The following RHOBTB3 variants were observed in gnomAD, a reference collection of about 807,000 sequenced individuals.
RHOBTB3 encodes the protein Rho related BTB domain containing 3, also known as rho-related BTB domain-containing protein 3.
Under a neutral mutation model 67.2 loss-of-function variants are expected in RHOBTB3, and 47 were observed. That is an observed-to-expected ratio of 0.70 (90% CI 0.55 to 0.89). The LOEUF is 0.89. Among genes scored for constraint, RHOBTB3 ranks in the 40% least tolerant of loss-of-function variants. RHOBTB3 has a pLI of 0.00. For synonymous variants in RHOBTB3, 273 were observed against 274.2 expected (o/e 1.00, Z 0.04); for missense variants, 631 against 750.0 (o/e 0.84, Z 1.85).
At chr5:95,741,189 G>A (rs964159341) in intron 3 of RHOBTB3, among the ~76,000 whole-genome samples, 13 of 152,038 alleles carry the variant, frequency 8.6e-5, no homozygotes, top group East Asian at 1.9e-4. Flanking sequence ...TTAGCCAGGC[G>A]TGGTGGCAGG....
At chr5:95,790,831 C>A (rs1323316781) in intron 11 of RHOBTB3, among the ~76,000 whole-genome samples, 2 of 152,186 alleles carry the variant, frequency 1.3e-5, no homozygotes, top group Non-Finnish European at 2.9e-5. Context: ...AGCCTGCCAA[C>A]GTGTTTTATT....
chr5:95,791,136 C>T, intron 11 of RHOBTB3, among the ~76,000 whole-genome samples: 1 of 152,090 alleles, frequency 6.6e-6, no homozygotes, highest in East Asian at 1.9e-4. Context: ...TTGAAAAGTT[C>T]TCAAATTATT....
intron 6 of RHOBTB3, among the ~76,000 whole-genome samples, chr5:95,760,561 C>T (rs1022370540): frequency 1.3e-5 from 2 of 152,172 alleles, no homozygotes; most frequent in Non-Finnish European, 1.5e-5. Flanking sequence ...AGAATCATTC[C>T]GTGGCATGTC....
intron 1 of RHOBTB3, among the ~76,000 whole-genome samples, chr5:95,723,686 G>A (rs1754963911): frequency 1.3e-5 from 2 of 152,180 alleles, no homozygotes; most frequent in South Asian, 4.2e-4. Flanking sequence ...AAGTGAGTCT[G>A]CAGCTTATCT....
At chr5:95,720,124 T>C (rs1754824097) in intron 1 of RHOBTB3, among the ~76,000 whole-genome samples, 2 of 152,214 alleles carry the variant, frequency 1.3e-5, no homozygotes, top group Admixed American at 1.3e-4. Context: ...GTGCATTGGA[T>C]TGAGACAAAC....
chr5:95,736,175 A>G (rs1755451644), intron 2 of RHOBTB3, among the ~76,000 whole-genome samples: 1 of 152,278 alleles, frequency 6.6e-6, no homozygotes, highest in African/African-American at 2.4e-5. Context: ...AAATGTTATT[A>G]GCTGTAGCAC....
chr5:95,727,115 T>G (rs1478134331), upstream of RHOBTB3, among the ~76,000 whole-genome samples: 1 of 152,210 alleles, frequency 6.6e-6, no homozygotes, highest in African/African-American at 2.4e-5. Flanking sequence ...AACCCATCTT[T>G]TTAATGAAAA....
chr5:95,790,976 C>T (rs947668055), intron 11 of RHOBTB3, among the ~76,000 whole-genome samples: 17 of 152,158 alleles, frequency 1.1e-4, no homozygotes, highest in African/African-American at 3.9e-4. Flanking sequence ...CGCTGACGGC[C>T]CACCTAAAGG....
In RHOBTB3 at chr5:95,748,307, CT is replaced by C. The variant is rs554957150; in HGVS notation, c.416-23del. On this transcript the variant is annotated intron_variant, in intron 3 of 11. Transcript: ENST00000379982. ...TTTTTTCCTGTTTAATTTCGAAACTCTTTGTTTTAAAATTTGTTTTCTCAGA... is the reference window on the plus strand; with the variant it reads ...TTTTTTCCTGTTTAATTTCGAAACTCTTGTTTTAAAATTTGTTTTCTCAGA... 433 of 1,558,870 alleles carry C rather than the reference CT, an allele frequency of 2.8e-4. 3 individuals are homozygous for C. In the African/African-American group the frequency reaches 5.1e-3, roughly 18 times the overall value.
chr5:95,765,678 T>G (rs919492015), intron 7 of RHOBTB3, among the ~76,000 whole-genome samples: 2 of 152,386 alleles, frequency 1.3e-5, no homozygotes, highest in African/African-American at 4.8e-5. Context: ...TTTTTGTTTT[T>G]TGAGACGGAG....
chr5:95,731,679 G>A lies in RHOBTB3; in HGVS notation c.-4G>A, dbSNP rs373372296. On this transcript the variant is annotated 5_prime_UTR_variant, in exon 1 of 12. Coordinates refer to ENST00000379982, the MANE Select transcript of RHOBTB3 (RefSeq NM_014899.4). ...GTCGCCGCCCTGCCCTTGGATTTGA[G>A]ATCATGTACGTACGCGCCGCCGTCC... The A allele has an allele frequency of 6.8e-6, 11 of 1,613,350 alleles. No individual in the cohort carries two copies. In the Admixed American group the frequency reaches 1.0e-4, roughly 15 times the overall value.
intron 6 of RHOBTB3, among the ~76,000 whole-genome samples, chr5:95,761,445 C>A (rs548013266): frequency 1.4e-4 from 21 of 150,494 alleles, no homozygotes; most frequent in Non-Finnish European, 3.1e-4. Flanking sequence ...TGGGTTCAAG[C>A]GATTCTCCTG....
At position 95,752,333 on chromosome 5, in the gene RHOBTB3, C is replaced by A; in HGVS notation, c.665C>A (p.Pro222His). The A allele has an allele frequency of 6.2e-7, 1 of 1,600,594 alleles. No homozygotes were observed. The highest frequency in any genetic ancestry group is 1.3e-5 in the African/African-American group (1 of 74,396). ...MSNSFHGIRP[P>H]QLEQPEKMPV... is the part of the protein sequence containing the mutation. The stretch of plus-strand genomic sequence containing the variant: ...AACTCCTTTCATGGAATTAGACCAC[C>A]TCAACTTGAACAACCAGGTGCATTT... The change falls in exon 5 of 12, where the codon CCT (proline) becomes CAT (histidine). Residue 222 changes from proline to histidine, a missense_variant. Transcript: ENST00000379982.
At chr5:95,742,032 C>G (rs139327761) in intron 3 of RHOBTB3, among the ~76,000 whole-genome samples, 170 of 152,258 alleles carry the variant, frequency 1.1e-3, no homozygotes, top group African/African-American at 3.8e-3. Context: ...TTTTTAGCCC[C>G]TTCCTTATTT....
intron 3 of RHOBTB3, among the ~76,000 whole-genome samples, chr5:95,738,671 T>C (rs1447385079): frequency 6.6e-6 from 1 of 152,168 alleles, no homozygotes; most frequent in Non-Finnish European, 1.5e-5. Flanking sequence ...AGCACCTTGA[T>C]ATTGGACATC....
intron 4 of RHOBTB3, among the ~76,000 whole-genome samples, chr5:95,749,214 C>T (rs923856410): frequency 3.9e-5 from 6 of 152,344 alleles, no homozygotes; most frequent in East Asian, 3.9e-4. Context: ...CTGATATACA[C>T]GGATGAGAAG....
chr5:95,778,012 C>T (rs1277800228), intron 8 of RHOBTB3, among the ~76,000 whole-genome samples: 1 of 151,818 alleles, frequency 6.6e-6, no homozygotes, highest in Non-Finnish European at 1.5e-5. Flanking sequence ...CTCAGCTACT[C>T]GGGAGGCTGA....
chr5:95,731,214 C>T (rs1755225978), upstream of RHOBTB3: 4 of 1,003,144 alleles, frequency 4.0e-6, no homozygotes, highest in Admixed American at 1.2e-4. Context: ...GGGAGCGCGT[C>T]CCCCGCATCC....
At chr5:95,744,495 G>T (rs979244952) in intron 3 of RHOBTB3, among the ~76,000 whole-genome samples, 1 of 152,122 alleles carries the variant, frequency 6.6e-6, no homozygotes, top group Non-Finnish European at 1.5e-5. Flanking sequence ...GGCACTTGAT[G>T]TGTGGTAGGT....
Sources: allele counts gnomAD v4.1 joint callset (sites outside exome capture counted in the v4.1 genomes callset), GRCh38; gene constraint gnomAD v4.1.1; transcripts MANE v1.5; gene names NCBI Gene and HGNC (gene_info 2026-07-23, HGNC 2026-07-21).